ANKS3: variants seen among roughly 807,000 people sequenced by gnomAD.
ANKS3 encodes ankyrin repeat and SAM domain-containing protein 3.
ANKS3 carries 62 observed loss-of-function variants against 80.7 expected under a neutral mutation model. The observed-to-expected ratio is 0.77, with a 90% CI of 0.63 to 0.95. The LOEUF (loss-of-function observed/expected upper bound fraction) is 0.95, where lower values mean the gene tolerates loss of function less well. ANKS3 is among the 40% of genes least tolerant of loss of function. The pLI, the probability that ANKS3 is intolerant of heterozygous loss-of-function variation, is 0.00. For missense variants in ANKS3, 1,150 were observed against 883.6 expected (o/e 1.30, Z -3.82); for synonymous variants, 489 against 355.3 (o/e 1.38, Z -4.23).
chr16:4,707,821 T>C (rs1040733292), intron 7 of ANKS3, among the ~76,000 whole-genome samples: 18 of 152,158 alleles, frequency 1.2e-4, no homozygotes, highest in East Asian at 5.8e-4. Flanking sequence ...CTAAAAAATA[T>C]TGATCAGGGC....
At position 4,725,348 on chromosome 16, in the gene ANKS3, T is replaced by C. The variant is rs555627896; in HGVS notation, c.492-517A>G. Among the ~76,000 whole-genome samples, 3 of 152,352 alleles carry C rather than the reference T, an allele frequency of 2.0e-5. No individual in the cohort carries two copies. In the South Asian group the frequency reaches 6.2e-4, roughly 32 times the overall value. On this transcript the variant is annotated intron_variant, in intron 5 of 17. Transcript: ENST00000304283. Reference sequence around the variant, plus strand: ...CAGAGGGCTTCCAAATCCCTCCTTGTCTCATGCTGGTTTGGAAGTCAGGAA... The same window carrying C: ...CAGAGGGCTTCCAAATCCCTCCTTGCCTCATGCTGGTTTGGAAGTCAGGAA...
At chr16:4,696,975 T>G in intron 17 of ANKS3, 42 bp downstream of exon 17, 16 of 1,593,648 alleles carry the variant, frequency 1.0e-5, no homozygotes, top group Non-Finnish European at 1.3e-5. Flanking sequence ...AGACAGGCCC[T>G]GCTGCTCCCA....
chr16:4,732,937 G>C (rs2142184031), intron 1 of ANKS3, among the ~76,000 whole-genome samples: 1 of 152,220 alleles, frequency 6.6e-6, no homozygotes, highest in South Asian at 2.1e-4. Flanking sequence ...GATGGAAGCG[G>C]AGATCGTTAT....
At position 4,721,617 on chromosome 16, in the gene ANKS3, G is replaced by GATTTATTT. The variant is rs778426725; in HGVS notation, c.573+3132_573+3133insAAATAAAT. Among the ~76,000 whole-genome samples, 270 of 89,828 alleles carry GATTTATTT rather than the reference G, an allele frequency of 3.0e-3. 1 individual carries two copies. Among genetic ancestry groups the GATTTATTT allele is most frequent in the African/African-American group, 6.9e-3 (233 of 33,760 alleles). The allele number at this position is 89,828 out of a possible 152,430, so 58.9% of individuals were successfully genotyped here. A position where few individuals can be genotyped will look rare whatever the true frequency, so the allele number is the denominator to read the frequency against. ...CAGAGCAAGACCCCATCTCTTTATTGATTTATTGATTTATTTATTTATTTA... is the reference window on the plus strand; with the variant it reads ...CAGAGCAAGACCCCATCTCTTTATTGATTTATTTATTTATTGATTTATTTATTTATTTA... On this transcript the variant is annotated intron_variant, in intron 6 of 17. Transcript: ENST00000304283.
chr16:4,705,076 G>A lies in ANKS3; in HGVS notation c.868+19C>T. ...GGTATGCAATGAGAAAGAGCCCTCG[G>A]GAAACGCGGGCCACTCACCATAGCG... is the stretch of plus-strand genomic sequence containing the variant. On this transcript the variant is annotated intron_variant, in intron 8 of 17. Coordinates refer to ENST00000304283, the MANE Select transcript of ANKS3 (RefSeq NM_133450.4). The A allele has an allele frequency of 1.2e-6, 2 of 1,608,976 alleles. No individual in the cohort carries two copies. Among genetic ancestry groups the A allele is most frequent in the Non-Finnish European group, 1.7e-6 (2 of 1,178,368 alleles).
Position 4,724,771 on chromosome 16 carries a change from G to A in ANKS3, c.552C>T (p.Ile184=), listed in dbSNP as rs771079511. 4.3e-6 allele frequency: 7 copies of A among 1,613,864 alleles called. No individual in the cohort carries two copies. The highest frequency in any genetic ancestry group is 1.3e-5 in the African/African-American group (1 of 75,024). ...MEAAAAGHEI[I]VQYFLNHGVK... Reference sequence around the variant, plus strand: ...TTACGTGATTCAGAAAATACTGCACGATTATCTCATGGCCAGCAGCAGCTG... The same window carrying A: ...TTACGTGATTCAGAAAATACTGCACAATTATCTCATGGCCAGCAGCAGCTG... Residue 184 remains isoleucine (I), a synonymous_variant, in exon 6 of 18, where the codon ATC becomes ATT. Transcript: ENST00000304283.
intron 7 of ANKS3, among the ~76,000 whole-genome samples, chr16:4,708,634 C>T (rs2080326222): frequency 6.6e-6 from 1 of 151,980 alleles, no homozygotes. Context: ...TAGTATTTAA[C>T]TTAAGAAAAA....
rs2142013093 is a variant in ANKS3 at position 4,697,058 on chromosome 16, C to T, written c.1941G>A (p.Val647=). Residue 647 remains valine (V), a synonymous_variant, in exon 17 of 18, where the codon GTG becomes GTA. Coordinates refer to ENST00000304283, the MANE Select transcript of ANKS3 (RefSeq NM_133450.4). ...LVTQSLEKLQ[V]LNGKKWRET Reference sequence around the variant, plus strand: ...TCTCCCGCCACTTCTTCCCGTTCAGCACCTGCAGCTTCTCCAGGCTCTGGG... The same window carrying T: ...TCTCCCGCCACTTCTTCCCGTTCAGTACCTGCAGCTTCTCCAGGCTCTGGG... The T allele has an allele frequency of 6.2e-7, 1 of 1,613,944 alleles. No individual in the cohort carries two copies. The highest frequency in any genetic ancestry group is 1.1e-5 in the South Asian group (1 of 91,074).
intron 5 of ANKS3, among the ~76,000 whole-genome samples, chr16:4,725,773 C>A (rs1161245529): frequency 2.0e-5 from 3 of 152,136 alleles, no homozygotes; most frequent in African/African-American, 7.2e-5. Flanking sequence ...GATTCTCCCG[C>A]CTCAGACTCC....
chr16:4,701,501 C>T lies in ANKS3; in HGVS notation c.1052G>A (p.Ser351Asn). Residue 351 changes from serine (S) to asparagine (N), a missense_variant, in exon 10 of 18, where the codon AGC becomes AAC. By Grantham distance (46) the Ser-to-Asn change is conservative (BLOSUM62 1). Transcript: ENST00000304283. Reference protein sequence around the residue: ...FCANLGPVQSSSSSEGLARAQ... With the variant: ...FCANLGPVQSNSSSEGLARAQ... ...TCTGGCCAGGCCCTCGCTGCTGCTG[C>T]TGCTCTGGACGGGCCCCAGGTTGGC... The T allele has an allele frequency of 6.2e-7, 1 of 1,612,136 alleles. No individual in the cohort carries two copies. Among genetic ancestry groups the T allele is most frequent in the East Asian group, 2.2e-5 (1 of 44,848 alleles).
chr16:4,721,393 G>C (rs915908501), intron 6 of ANKS3, among the ~76,000 whole-genome samples: 6 of 150,810 alleles, frequency 4.0e-5, no homozygotes, highest in African/African-American at 1.5e-4. Flanking sequence ...CGAACTGCCT[G>C]AGCTCAGGAG....
At position 4,698,578 on chromosome 16, in the gene ANKS3, T is replaced by A. The variant is rs765468904; in HGVS notation, c.1573A>T (p.Thr525Ser). ...LHKRCEEVEA[T>S]RGQVCQEQEL... is the part of the protein sequence containing the mutation. Reference sequence around the variant, plus strand: ...TGCTCCTGACACACCTGGCCCCGCGTGGCCTCTACCTCCTCGCAGCGCTGC... The same window carrying A: ...TGCTCCTGACACACCTGGCCCCGCGAGGCCTCTACCTCCTCGCAGCGCTGC... Residue 525 changes from threonine (T) to serine (S), a missense_variant, in exon 14 of 18, where the codon ACG (threonine) becomes TCG (serine). Physicochemically the swap from Thr to Ser is moderately conservative, Grantham distance 58. Coordinates refer to ENST00000304283, the MANE Select transcript of ANKS3 (RefSeq NM_133450.4). The A allele has an allele frequency of 6.3e-7, 1 of 1,575,674 alleles. No individual in the cohort carries two copies. The highest frequency in any genetic ancestry group is 1.3e-5 in the African/African-American group (1 of 74,362).
Position 4,714,174 on chromosome 16 carries a change from C to T in ANKS3, c.586G>A (p.Asp196Asn), listed in dbSNP as rs763204385. ...QYFLNHGVKVDARDHSGATAR... is the reference protein window; with the variant it reads ...QYFLNHGVKVNARDHSGATAR... ...GTGGCTCCACTGTGGTCTCTCGCGT[C>T]CACCTTGACTCCCTGTGAATGTCCG... The change falls in exon 7 of 18, where the codon GAC (aspartate) becomes AAC (asparagine). Residue 196 changes from aspartate (D) to asparagine (N), a missense_variant. Coordinates refer to ENST00000304283, the MANE Select transcript of ANKS3 (RefSeq NM_133450.4). 3.1e-6 allele frequency: 5 copies of T among 1,614,020 alleles called. No homozygotes were observed. Among genetic ancestry groups the T allele is most frequent in the Admixed American group, 3.3e-5 (2 of 59,982 alleles).
intron 7 of ANKS3, among the ~76,000 whole-genome samples, chr16:4,712,520 G>A (rs1433388477): frequency 6.6e-6 from 1 of 152,138 alleles, no homozygotes; most frequent in African/African-American, 2.4e-5. Flanking sequence ...TGCCAAGAAT[G>A]TAAGGTTGAT....
intron 6 of ANKS3, among the ~76,000 whole-genome samples, chr16:4,724,101 A>G (rs554570565): frequency 6.6e-6 from 1 of 152,332 alleles, no homozygotes; most frequent in Non-Finnish European, 1.5e-5. Context: ...TACAACATAC[A>G]GAAATAACTG....
At chr16:4,718,587 C>T (rs1240646572) in intron 6 of ANKS3, among the ~76,000 whole-genome samples, 4 of 152,244 alleles carry the variant, frequency 2.6e-5, no homozygotes, top group Non-Finnish European at 1.5e-5. Context: ...GAGGGACAGG[C>T]TGGGAAACCG....
intron 11 of ANKS3, 50 bp downstream of exon 11, chr16:4,700,920 C>G (rs534219168): frequency 6.2e-7 from 1 of 1,609,868 alleles, no homozygotes; most frequent in African/African-American, 1.3e-5. Context: ...TCCTAAGTCA[C>G]AAAAAGTGCC....
chr16:4,697,591 C>T (rs1334667785), intron 15 of ANKS3, among the ~76,000 whole-genome samples, 175 bp from the exon 16 acceptor site: 1 of 152,046 alleles, frequency 6.6e-6, no homozygotes, highest in Non-Finnish European at 1.5e-5. Flanking sequence ...TGTGCCCTTC[C>T]TCCCACAGGC....
intron 6 of ANKS3, among the ~76,000 whole-genome samples, chr16:4,715,134 G>A (rs1265911653): frequency 2.6e-5 from 4 of 150,984 alleles, no homozygotes; most frequent in African/African-American, 7.3e-5. Flanking sequence ...ACAAACAGCT[G>A]TATGATCAAG....
Sources: allele counts gnomAD v4.1 joint callset (sites outside exome capture counted in the v4.1 genomes callset), GRCh38; gene constraint gnomAD v4.1.1; transcripts MANE v1.5; gene names NCBI Gene and HGNC (gene_info 2026-07-23, HGNC 2026-07-21).